The following HYDIN variants were observed in gnomAD, a reference collection of about 807,000 sequenced individuals.
HYDIN encodes axonemal central pair apparatus protein HYDIN.
Under a neutral mutation model 403.9 loss-of-function variants are expected in HYDIN, and 132 were observed. The ratio of observed to expected loss-of-function variants is 0.33; its 90% CI spans 0.28 to 0.38. The LOEUF is 0.38. Among genes scored for constraint, HYDIN ranks in the 10% least tolerant of loss-of-function variants. HYDIN has a pLI of 1.00. For synonymous variants in HYDIN, 1,202 were observed against 1,891.7 expected (o/e 0.64, Z 9.46); for missense variants, 2,827 against 5,009.5 (o/e 0.56, Z 13.15).
chr16:70,826,562 T>C (rs2036601626), intron 83 of HYDIN, among the ~76,000 whole-genome samples: 1 of 151,938 alleles, frequency 6.6e-6, no homozygotes, highest in African/African-American at 2.4e-5. Context: ...TAACTTTTTT[T>C]AGATGTTTCA....
intron 36 of HYDIN, among the ~76,000 whole-genome samples, chr16:70,966,689 C>T (rs1487206928): frequency 6.7e-6 from 1 of 150,010 alleles, no homozygotes; most frequent in African/African-American, 2.5e-5. Flanking sequence ...AAATGTAAGC[C>T]AAGAAAATTG....
At chr16:70,899,132 T>C (rs1597260194) in intron 53 of HYDIN, among the ~76,000 whole-genome samples, 1 of 152,106 alleles carries the variant, frequency 6.6e-6, no homozygotes, top group East Asian at 1.9e-4. Context: ...GAGTGCCTAC[T>C]TCATCCAATC....
intron 23 of HYDIN, among the ~76,000 whole-genome samples, chr16:71,003,833 T>C (rs1294870105): frequency 6.6e-6 from 1 of 152,072 alleles, no homozygotes; most frequent in Non-Finnish European, 1.5e-5. Context: ...TTTTATAACT[T>C]TATATCAATC....
intron 71 of HYDIN, among the ~76,000 whole-genome samples, chr16:70,859,249 C>T (rs1449942091): frequency 6.6e-6 from 1 of 151,888 alleles, no homozygotes; most frequent in Non-Finnish European, 1.5e-5. Flanking sequence ...TGTAGTGAGC[C>T]GAGATCGCGC....
chr16:71,134,997 A>G (rs1018126495), intron 8 of HYDIN, among the ~76,000 whole-genome samples: 1 of 152,218 alleles, frequency 6.6e-6, no homozygotes, highest in Non-Finnish European at 1.5e-5. Flanking sequence ...AGATAAAACA[A>G]TAGTTTGGAG....
intron 1 of HYDIN, among the ~76,000 whole-genome samples, chr16:71,212,193 ACT>A (rs2088629017): frequency 6.6e-6 from 1 of 152,198 alleles, no homozygotes; most frequent in Non-Finnish European, 1.5e-5. Context: ...ATTAGATAAT[ACT>A]GTTTCCATTT....
intron 9 of HYDIN, among the ~76,000 whole-genome samples, chr16:71,124,470 G>C (rs1383014336): frequency 6.6e-6 from 1 of 151,732 alleles, no homozygotes; most frequent in Admixed American, 6.6e-5. Context: ...GCTTTAAATT[G>C]AAAGAGCCTC....
intron 19 of HYDIN, among the ~76,000 whole-genome samples, chr16:71,030,700 G>C (rs1362072966): frequency 6.6e-6 from 1 of 152,206 alleles, no homozygotes; most frequent in South Asian, 2.1e-4. Flanking sequence ...CAAACTGCTA[G>C]GATTATAGGC....
At chr16:71,205,297 C>T (rs898670083) in intron 1 of HYDIN, among the ~76,000 whole-genome samples, 27 of 152,326 alleles carry the variant, frequency 1.8e-4, no homozygotes, top group East Asian at 1.7e-3. Flanking sequence ...AAGCTGCGCA[C>T]CAGCCTGTCT....
At chr16:70,913,075 G>A (rs1042059775) in intron 47 of HYDIN, among the ~76,000 whole-genome samples, 7 of 151,900 alleles carry the variant, frequency 4.6e-5, no homozygotes, top group African/African-American at 1.7e-4. Context: ...TCTCTTCAAA[G>A]AACCAGCTTT....
Position 70,808,022 on chromosome 16 carries a change from G to A in HYDIN, c.14924C>T (p.Ala4975Val), listed in dbSNP as rs751164879. ...AGTGCCTCCCTGGCCTCCTGGGGCT[G>A]CATTAATGAGTTTTTCTGCGTGGAA... ...TDFHAEKLINAAPGGQGGTEA... is the reference protein window; with the variant it reads ...TDFHAEKLINVAPGGQGGTEA... The change falls in exon 86 of 86, where the codon GCA (alanine) becomes GTA (valine). Residue 4975 changes from alanine to valine, a missense_variant. Ala to Val is a moderately conservative substitution (Grantham distance 64). Transcript: ENST00000393567. 6 of 1,613,522 alleles carry A rather than the reference G, an allele frequency of 3.7e-6. No homozygotes were observed. The East Asian group carries it at 1.3e-4, about 36-fold the overall frequency.
intron 83 of HYDIN, among the ~76,000 whole-genome samples, chr16:70,820,187 C>CTTTTT (rs57769826): frequency 5.3e-4 from 49 of 91,846 alleles, no homozygotes; most frequent in Non-Finnish European, 7.5e-4. Flanking sequence ...TTTCTTTTTT[C>CTTTTT]TTTTTTTTTT....
chr16:71,021,974 G>A (rs2080511787), intron 21 of HYDIN, among the ~76,000 whole-genome samples: 1 of 151,792 alleles, frequency 6.6e-6, no homozygotes, highest in South Asian at 2.1e-4. Context: ...GGTGACTTTA[G>A]GGATTAGGTC....
chr16:71,223,731 C>T (rs2040906349), intron 1 of HYDIN, among the ~76,000 whole-genome samples: 1 of 151,998 alleles, frequency 6.6e-6, no homozygotes, highest in African/African-American at 2.4e-5. Context: ...TGAAAAAATG[C>T]TCATCAGTAG....
intron 25 of HYDIN, among the ~76,000 whole-genome samples, chr16:70,990,727 T>C (rs942262568): frequency 1.8e-4 from 27 of 152,212 alleles, no homozygotes; most frequent in Non-Finnish European, 7.3e-5. Context: ...GTTACATGCT[T>C]TATGCAAGTG....
At chr16:71,056,122 G>C (rs1162652519) in intron 18 of HYDIN, among the ~76,000 whole-genome samples, 1 of 134,062 alleles carries the variant, frequency 7.5e-6, no homozygotes, top group African/African-American at 2.6e-5. Flanking sequence ...CACATTCTGA[G>C]ATTTGTTTTT....
chr16:70,834,232 T>A (rs1165601292), intron 78 of HYDIN, 68 bp from the exon 79 acceptor site: 2 of 1,000,210 alleles, frequency 2.0e-6, no homozygotes, highest in Non-Finnish European at 3.0e-6. Context: ...GTTCCCGGAG[T>A]TCTTGCTGCT....
chr16:70,844,973 A>C (rs1430239780), intron 75 of HYDIN, among the ~76,000 whole-genome samples: 11 of 117,698 alleles, frequency 9.3e-5, no homozygotes, highest in Non-Finnish European at 8.2e-5. Flanking sequence ...ATATACAATC[A>C]TGTCGTCTGC....
chr16:70,992,548 T>C (rs570887760), intron 23 of HYDIN, among the ~76,000 whole-genome samples: 149 of 148,670 alleles, frequency 1.0e-3, no homozygotes, highest in Non-Finnish European at 1.4e-3. Context: ...TCTAATCCAG[T>C]GCCTGGCCTG....
Sources: gnomAD v4.1 joint callset for allele counts (sites outside exome capture counted in the v4.1 genomes callset) on GRCh38, gnomAD v4.1.1 for gene constraint, MANE v1.5 for transcripts, NCBI Gene and HGNC (gene_info 2026-07-23, HGNC 2026-07-21) for gene names.